The following VPS35L variants were observed in gnomAD, a reference collection of about 807,000 sequenced individuals.
VPS35L encodes the protein VPS35 endosomal protein-sorting factor-like.
Under a neutral mutation model 133.0 loss-of-function variants are expected in VPS35L, and 83 were observed. The observed-to-expected ratio is 0.62, with a 90% CI of 0.52 to 0.75. The LOEUF is 0.75. VPS35L is among the 30% of genes least tolerant of loss of function. The pLI is 0.00. For missense variants in VPS35L, 1,083 were observed against 1,206.8 expected, an observed-to-expected ratio of 0.90 and a Z score of 1.52; for synonymous variants, 423 against 449.9, an observed-to-expected ratio of 0.94 and a Z score of 0.76.
chr16:19,568,351 G>A (rs1478911214), intron 2 of VPS35L, among the ~76,000 whole-genome samples: 1 of 150,188 alleles, frequency 6.7e-6, no homozygotes, highest in East Asian at 2.0e-4. Flanking sequence ...CCCAGCTGGA[G>A]TGCAATGGCA....
At chr16:19,612,444 G>A (rs1972755186) in intron 12 of VPS35L, among the ~76,000 whole-genome samples, 1 of 152,082 alleles carries the variant, frequency 6.6e-6, no homozygotes, top group Non-Finnish European at 1.5e-5. Context: ...AGTAGTGACA[G>A]GGTGTCACCA....
Position 19,619,580 on chromosome 16 carries a change from G to A in VPS35L, c.1224+2772G>A, listed in dbSNP as rs536012854. Among the ~76,000 whole-genome samples, 9 of 151,990 alleles carry A rather than the reference G, an allele frequency of 5.9e-5. No homozygotes were observed. The South Asian group carries it at 1.9e-3, about 32-fold the overall frequency. On this transcript the variant is annotated intron_variant, in intron 14 of 30. Coordinates refer to ENST00000417362, the MANE Select transcript of VPS35L (RefSeq NM_020314.7). Reference sequence around the variant, plus strand: ...AGAACGCTTTTTTTTTCTTATTTTAGCGAAAGGCAAAATCAGATTAAAAAC... The same window carrying A: ...AGAACGCTTTTTTTTTCTTATTTTAACGAAAGGCAAAATCAGATTAAAAAC...
chr16:19,583,816 C>T (rs753238243), intron 7 of VPS35L, among the ~76,000 whole-genome samples: 4 of 152,100 alleles, frequency 2.6e-5, no homozygotes, highest in Non-Finnish European at 2.9e-5. Context: ...ACTTATTCCT[C>T]ATATGTAGCT....
At chr16:19,601,934 A>G (rs1008771337) in intron 9 of VPS35L, among the ~76,000 whole-genome samples, 3 of 152,190 alleles carry the variant, frequency 2.0e-5, no homozygotes, top group Non-Finnish European at 2.9e-5. Context: ...CAGGCAAGTC[A>G]TTTGAATCTG....
Position 19,672,425 on chromosome 16 carries a change from A to C in VPS35L, c.2361+3126A>C, listed in dbSNP as rs1974908297. On this transcript the variant is annotated intron_variant, in intron 27 of 30. Transcript: ENST00000417362. ...AAATTGACTGTATTGATGATCGCAC[A>C]ACTCTGTGAATATCCTGACAATCAC... 3.9e-5 allele frequency among the ~76,000 whole-genome samples: 6 copies of C among 152,248 alleles called. No individual in the cohort carries two copies. In the South Asian group the frequency reaches 1.2e-3, roughly 31 times the overall value.
rs573493950 is a variant in VPS35L at position 19,638,112 on chromosome 16, C to G, written c.1698+456C>G. 1.9e-3 allele frequency among the ~76,000 whole-genome samples: 286 copies of G among 152,256 alleles called. 1 individual carries two copies. The highest frequency in any genetic ancestry group is 6.6e-3 in the African/African-American group (276 of 41,558). On this transcript the variant is annotated intron_variant, in intron 20 of 30. Transcript: ENST00000417362. ...TCCCTCAAAAATTTAAAATATCCTG[C>G]GATGTCTGTTCGAGTTTGTTCAGTG...
In VPS35L at chr16:19,616,731, G is replaced by C; in HGVS notation, c.1147G>C (p.Glu383Gln). 6.2e-7 allele frequency: 1 copy of C among 1,614,038 alleles called. No homozygotes were observed. Among genetic ancestry groups the C allele is most frequent in the African/African-American group, 1.3e-5 (1 of 74,980 alleles). Residue 383 changes from glutamate (E) to glutamine (Q), a missense_variant, in exon 14 of 31, where the codon GAG becomes CAG. By Grantham distance (29) the Glu-to-Gln change is conservative (BLOSUM62 2). Coordinates refer to ENST00000417362, the MANE Select transcript of VPS35L (RefSeq NM_020314.7). Reference protein sequence around the residue: ...VQNQLVVQGVELPSYLPLYPP... With the variant: ...VQNQLVVQGVQLPSYLPLYPP... The stretch of plus-strand genomic sequence containing the variant: ...GAACCAGCTGGTGGTCCAAGGAGTG[G>C]AGCTCCCATCTTACCTCCCCTTGTA...
chr16:19,625,004 C>A (rs1973215533), intron 14 of VPS35L, among the ~76,000 whole-genome samples: 1 of 151,840 alleles, frequency 6.6e-6, no homozygotes, highest in Admixed American at 6.6e-5. Context: ...TTCTTAAAAA[C>A]AGGAGCTCTT....
intron 6 of VPS35L, among the ~76,000 whole-genome samples, chr16:19,580,564 A>G (rs374857687): frequency 1.3e-5 from 2 of 152,088 alleles, no homozygotes; most frequent in East Asian, 1.9e-4. Flanking sequence ...AGGGTTAAGG[A>G]GCATTTACTG....
chr16:19,699,813 G>A lies in VPS35L; in HGVS notation c.2793+165G>A, dbSNP rs1442514545. On this transcript the variant is annotated intron_variant, in intron 30 of 30. Coordinates refer to ENST00000417362, the MANE Select transcript of VPS35L (RefSeq NM_020314.7). The surrounding 1 kb of genome is among the most constrained non-coding windows in gnomAD (Gnocchi z 4.2). ...TCACTTCCTAGCAGTAAAAAGCAGA[G>A]CTGGCCAGGTGTGGCAGCTCATGCC... Among the ~76,000 whole-genome samples the A allele has an allele frequency of 6.6e-6, 1 of 152,184 alleles. No homozygotes were observed. The highest frequency in any genetic ancestry group is 1.5e-5 in the Non-Finnish European group (1 of 68,032).
At chr16:19,573,323 C>A in intron 4 of VPS35L, 82 bp downstream of exon 4, 1 of 1,418,516 alleles carries the variant, frequency 7.0e-7, no homozygotes, top group Non-Finnish European at 9.6e-7. Context: ...AACTCCTGGG[C>A]TCTGTAAGTT....
chr16:19,574,510 T>G lies in VPS35L; in HGVS notation c.409-588T>G, dbSNP rs573325889. ...GGCAGGCCATGGGGAACGCTTGGCC[T>G]CAACGCCTCTTCTCTTCATTTTTTC... On this transcript the variant is annotated intron_variant, in intron 4 of 30. Coordinates refer to ENST00000417362, the MANE Select transcript of VPS35L (RefSeq NM_020314.7). Among the ~76,000 whole-genome samples, 22 of 152,290 alleles carry G rather than the reference T, an allele frequency of 1.4e-4. No homozygotes were observed. The South Asian group carries it at 4.3e-3, about 30-fold the overall frequency.
In VPS35L at chr16:19,647,773, C is replaced by G. The variant is rs1056936210; in HGVS notation, c.1930-11C>G. The G allele has an allele frequency of 1.2e-6, 2 of 1,611,016 alleles. No homozygotes were observed. The highest frequency in any genetic ancestry group is 2.7e-5 in the African/African-American group (2 of 74,806). On this transcript the variant is annotated splice_polypyrimidine_tract_variant and intron_variant, in intron 23 of 30. Coordinates refer to ENST00000417362, the MANE Select transcript of VPS35L (RefSeq NM_020314.7). ...CACTGTCCCTTTCAGCGTCTTTCTC[C>G]TTGATTCTAGGTTTCCTTTGGCCGT...
chr16:19,668,591 AGT>A (rs35546511), intron 26 of VPS35L, among the ~76,000 whole-genome samples: 1,628 of 147,354 alleles, frequency 0.011, 15 homozygotes, highest in African/African-American at 0.034. Flanking sequence ...CTTTAAGCTG[AGT>A]GTGTGTGTGT....
intron 28 of VPS35L, among the ~76,000 whole-genome samples, chr16:19,687,734 T>C (rs1348233789): frequency 2.0e-5 from 3 of 152,096 alleles, no homozygotes; most frequent in Non-Finnish European, 1.5e-5. Flanking sequence ...AAAAAAATTA[T>C]GTGTGTCTGT....
chr16:19,640,226 T>C, intron 21 of VPS35L, 126 bp downstream of exon 21: 1 of 790,018 alleles, frequency 1.3e-6, no homozygotes, highest in Non-Finnish European at 2.0e-6. Context: ...AAAACCACAC[T>C]GGAAGGAAAG....
At chr16:19,651,436 C>A (rs13333572) in intron 25 of VPS35L, among the ~76,000 whole-genome samples, 13,057 of 151,984 alleles carry the variant, frequency 0.086, 734 homozygotes, top group East Asian at 0.22. Context: ...AACTCCTGGC[C>A]TCAAGTGATC....
intron 7 of VPS35L, among the ~76,000 whole-genome samples, chr16:19,590,146 C>G (rs879595345): frequency 3.1e-5 from 2 of 63,948 alleles, no homozygotes; most frequent in African/African-American, 1.2e-4. Flanking sequence ...CCCGCCCCCC[C>G]CCCCCCCCCC....
chr16:19,601,579 C>T, intron 8 of VPS35L, 85 bp from the exon 9 acceptor site: 1 of 1,367,236 alleles, frequency 7.3e-7, no homozygotes, highest in Non-Finnish European at 1.0e-6. Flanking sequence ...GCGATGATAG[C>T]TCTGGGTCCC....
Sources: gnomAD v4.1 joint callset for allele counts (sites outside exome capture counted in the v4.1 genomes callset) on GRCh38, gnomAD v4.1.1 for gene constraint, Gnocchi (gnomAD v3.1) non-coding constraint, MANE v1.5 for transcripts, NCBI Gene and HGNC (gene_info 2026-07-23, HGNC 2026-07-21) for gene names.